The following PTK2 variants were observed in gnomAD, a reference collection of about 807,000 sequenced individuals.
The protein encoded by PTK2 is focal adhesion kinase 1.
Under a neutral mutation model 150.1 loss-of-function variants are expected in PTK2, and 45 were observed. That is an observed-to-expected ratio of 0.30 (90% CI 0.24 to 0.38). The LOEUF is 0.38. Among genes scored for constraint, PTK2 ranks in the 10% least tolerant of loss-of-function variants. PTK2 has a pLI of 1.00. For synonymous variants in PTK2, 432 were observed against 449.2 expected, an observed-to-expected ratio of 0.96 and a Z score of 0.48; for missense variants, 919 against 1,307.3, an observed-to-expected ratio of 0.70 and a Z score of 4.58.
intron 5 of PTK2, among the ~76,000 whole-genome samples, chr8:140,857,344 C>G (rs985077231): frequency 6.6e-6 from 1 of 152,184 alleles, no homozygotes; most frequent in Non-Finnish European, 1.5e-5. Flanking sequence ...ATCTCTCACC[C>G]TGCCCTCCAG....
At chr8:140,957,029 C>G (rs1419245428) in intron 1 of PTK2, among the ~76,000 whole-genome samples, 4 of 152,040 alleles carry the variant, frequency 2.6e-5, no homozygotes, top group African/African-American at 9.7e-5. Context: ...CCATTGCACT[C>G]CAGCCTGGGC....
At chr8:140,881,817 A>C (rs1482340376) in intron 3 of PTK2, among the ~76,000 whole-genome samples, 1 of 152,192 alleles carries the variant, frequency 6.6e-6, no homozygotes, top group African/African-American at 2.4e-5. Flanking sequence ...AGTCTCAAAG[A>C]GGCTTAGCCC....
intron 1 of PTK2, among the ~76,000 whole-genome samples, chr8:140,937,905 T>C (rs575612650): frequency 6.6e-6 from 1 of 152,130 alleles, no homozygotes; most frequent in Non-Finnish European, 1.5e-5. Flanking sequence ...CCAGGCAACA[T>C]AGCAACACCC....
At chr8:140,982,064 T>TAAA (rs142919207) in intron 1 of PTK2, among the ~76,000 whole-genome samples, 122 of 112,334 alleles carry the variant, frequency 1.1e-3, no homozygotes, top group African/African-American at 3.4e-3. Flanking sequence ...ACCAACTCAA[T>TAAA]AAAAAAAAAA....
intron 27 of PTK2, among the ~76,000 whole-genome samples, chr8:140,676,691 G>A (rs1042421496): frequency 6.7e-6 from 1 of 149,236 alleles, no homozygotes; most frequent in Admixed American, 6.7e-5. Context: ...ACTTTGGGAG[G>A]CTGAGGCGGG....
chr8:140,890,214 T>A, intron 3 of PTK2: 1 of 226,948 alleles, frequency 4.4e-6, no homozygotes, highest in Non-Finnish European at 8.5e-6. Context: ...GTTTATTTCA[T>A]GACTGTTAGA....
intron 1 of PTK2, among the ~76,000 whole-genome samples, chr8:140,967,498 T>C (rs1026382228): frequency 5.4e-5 from 8 of 148,192 alleles, no homozygotes. Context: ...TCTCTCTCTG[T>C]CATGCAGGCT....
chr8:140,675,722 A>G, intron 27 of PTK2: 1 of 506,562 alleles, frequency 2.0e-6, no homozygotes, highest in East Asian at 3.3e-5. Context: ...GAGAGAAGCA[A>G]GCATGGGACA....
At chr8:140,713,962 C>G (rs1009900796) in intron 23 of PTK2, among the ~76,000 whole-genome samples, 1 of 152,178 alleles carries the variant, frequency 6.6e-6, no homozygotes, top group Non-Finnish European at 1.5e-5. Flanking sequence ...ACATGACTCT[C>G]CATGCAGCCT....
intron 1 of PTK2, among the ~76,000 whole-genome samples, chr8:140,994,295 TTAGAG>T (rs1421205435): frequency 6.6e-6 from 1 of 152,182 alleles, no homozygotes; most frequent in Non-Finnish European, 1.5e-5. Flanking sequence ...AACCATTTCA[TTAGAG>T]TATTTATGCA....
intron 26 of PTK2, among the ~76,000 whole-genome samples, chr8:140,692,549 G>A (rs936651606): frequency 3.3e-5 from 5 of 152,088 alleles, no homozygotes; most frequent in African/African-American, 9.7e-5. Context: ...CCCGGGAGGC[G>A]GAGGTTGCAG....
chr8:140,968,458 T>A (rs555285100), intron 1 of PTK2, among the ~76,000 whole-genome samples: 1 of 151,722 alleles, frequency 6.6e-6, no homozygotes, highest in African/African-American at 2.4e-5. Context: ...TACAAAAGAG[T>A]TACAATTCAC....
At chr8:140,975,325 T>A (rs553453199) in intron 1 of PTK2, among the ~76,000 whole-genome samples, 16 of 152,272 alleles carry the variant, frequency 1.1e-4, no homozygotes, top group Admixed American at 7.2e-4. Flanking sequence ...GTAAAAAATT[T>A]ATATCAGAAT....
chr8:140,723,006 TTTTCC>T (rs1402817674), intron 22 of PTK2, among the ~76,000 whole-genome samples: 1 of 152,148 alleles, frequency 6.6e-6, no homozygotes, highest in African/African-American at 2.4e-5. Flanking sequence ...CTACTTACTG[TTTTCC>T]CCAAGCATCT....
At chr8:140,981,566 C>T (rs1336652575) in intron 1 of PTK2, among the ~76,000 whole-genome samples, 2 of 152,152 alleles carry the variant, frequency 1.3e-5, no homozygotes, top group Non-Finnish European at 2.9e-5. Context: ...CAATGTGGCC[C>T]CACTTGTTTT....
At chr8:140,779,729 T>C (rs899579418) in intron 14 of PTK2, among the ~76,000 whole-genome samples, 8 of 152,176 alleles carry the variant, frequency 5.3e-5, no homozygotes, top group Non-Finnish European at 1.2e-4. Context: ...GGAACAGGTA[T>C]GAATAGGGAT....
chr8:140,740,105 T>C (rs2100054857), intron 20 of PTK2, among the ~76,000 whole-genome samples: 1 of 152,210 alleles, frequency 6.6e-6, no homozygotes, highest in Non-Finnish European at 1.5e-5. Flanking sequence ...ACGTTTTCTT[T>C]GTGCCACAAA....
intron 30 of PTK2, 148 bp downstream of exon 34, chr8:140,668,121 T>G (rs2093408532): frequency 1.1e-6 from 1 of 877,748 alleles, no homozygotes; most frequent in Non-Finnish European, 1.7e-6. Flanking sequence ...ACTAACATTG[T>G]CACTGTATGG....
chr8:140,770,768 T>C (rs758382260), intron 14 of PTK2: 1 of 1,349,844 alleles, frequency 7.4e-7, no homozygotes, highest in Admixed American at 2.0e-5. Context: ...AGCGCCTAGC[T>C]TTCTTAACTT....
Sources: gnomAD v4.1 joint callset for allele counts (sites outside exome capture counted in the v4.1 genomes callset) on GRCh38, gnomAD v4.1.1 for gene constraint, MANE v1.5 for transcripts, NCBI Gene and HGNC (gene_info 2026-07-23, HGNC 2026-07-21) for gene names.